The following TLN2 variants were observed in gnomAD, a reference collection of about 807,000 sequenced individuals.
The protein encoded by TLN2 is talin 2.
Under a neutral mutation model 294.7 loss-of-function variants are expected in TLN2, and 118 were observed. The observed-to-expected ratio is 0.40, with a 90% confidence interval of 0.34 to 0.47. TLN2 has a LOEUF of 0.47. Among genes scored for constraint, TLN2 ranks in the 20% least tolerant of loss-of-function variants. The pLI is 0.84. For synonymous variants in TLN2, 1,431 were observed against 1,304.5 expected (o/e 1.10, Z -2.09); for missense variants, 3,083 against 3,282.2 (o/e 0.94, Z 1.48).
intron 26 of TLN2, 126 bp downstream of exon 26, chr15:62,722,613 T>A: frequency 1.6e-6 from 2 of 1,214,968 alleles, no homozygotes; most frequent in Non-Finnish European, 2.2e-6. Context: ...CTTGCATGAC[T>A]ATTAAAGATG....
intron 3 of TLN2, among the ~76,000 whole-genome samples, chr15:62,634,383 T>G (rs2050191615): frequency 6.6e-6 from 1 of 152,228 alleles, no homozygotes; most frequent in Non-Finnish European, 1.5e-5. Flanking sequence ...TCCAGCTTTA[T>G]CTTAAGTTTT....
chr15:62,477,517 G>C (rs1177157092), intron 1 of TLN2, among the ~76,000 whole-genome samples: 1 of 152,148 alleles, frequency 6.6e-6, no homozygotes, highest in Non-Finnish European at 1.5e-5. Flanking sequence ...CTGCATCTAT[G>C]TGCTTGTCCT....
chr15:62,547,806 G>T (rs997766274), intron 1 of TLN2, among the ~76,000 whole-genome samples: 4 of 152,208 alleles, frequency 2.6e-5, no homozygotes, highest in Non-Finnish European at 5.9e-5. Flanking sequence ...GTTACTGCCA[G>T]TCTGGTTGTG....
intron 3 of TLN2, among the ~76,000 whole-genome samples, chr15:62,624,461 G>C (rs1406510483): frequency 6.6e-6 from 1 of 152,192 alleles, no homozygotes; most frequent in Non-Finnish European, 1.5e-5. Flanking sequence ...GGTCTCATAG[G>C]TGATAGGACG....
rs772210985 is a variant in TLN2 at position 62,673,882 on chromosome 15, A to T, written c.844A>T (p.Ile282Phe). Reference sequence around the variant, plus strand: ...CAAGCAGAGAGGAGCTGAAAAGAGGATCTTTCAGGTATTGGAAATGTACAG... The same window carrying T: ...CAAGCAGAGAGGAGCTGAAAAGAGGTTCTTTCAGGTATTGGAAATGTACAG... ...YIKQRGAEKR[I>F]FQEHKNCGEM... Residue 282 changes from isoleucine (I) to phenylalanine (F), a missense_variant, in exon 10 of 59, where the codon ATC becomes TTC. Transcript: ENST00000636159. 2.5e-6 allele frequency: 4 copies of T among 1,612,836 alleles called. No individual in the cohort carries two copies. Among genetic ancestry groups the T allele is most frequent in the Non-Finnish European group, 3.4e-6 (4 of 1,179,090 alleles).
chr15:62,530,063 C>T (rs920311130), intron 1 of TLN2, among the ~76,000 whole-genome samples: 43 of 152,194 alleles, frequency 2.8e-4, no homozygotes, highest in Middle Eastern at 3.4e-3. Context: ...TTGTGGCTTG[C>T]GCCTGTAGTC....
intron 35 of TLN2, among the ~76,000 whole-genome samples, chr15:62,753,387 T>G (rs573537896): frequency 6.6e-6 from 1 of 152,274 alleles, no homozygotes; most frequent in Admixed American, 6.5e-5. Context: ...ATGCACCCAC[T>G]GTTTTGTGCC....
intron 52 of TLN2, among the ~76,000 whole-genome samples, chr15:62,817,935 G>A (rs1435179400): frequency 2.0e-5 from 3 of 148,598 alleles, no homozygotes; most frequent in Non-Finnish European, 4.4e-5. Context: ...TCAACCTCCT[G>A]AATAGCTGGG....
chr15:62,581,595 CTT>C (rs1419939116), intron 1 of TLN2, among the ~76,000 whole-genome samples: 1 of 152,180 alleles, frequency 6.6e-6, no homozygotes, highest in African/African-American at 2.4e-5. Context: ...AGAGGGGAAT[CTT>C]TTTGTTTCAT....
chr15:62,442,993 C>G lies in TLN2; in HGVS notation c.-238+52308C>G, dbSNP rs145166181. Among the ~76,000 whole-genome samples the G allele has an allele frequency of 7.2e-5, 11 of 152,348 alleles. No homozygotes were observed. The East Asian group carries it at 1.7e-3, about 24-fold the overall frequency. On this transcript the variant is annotated intron_variant, in intron 1 of 58. Coordinates refer to ENST00000636159, the MANE Select transcript of TLN2 (RefSeq NM_015059.3). ...AAGCTCTCTCTCACCTGTCCTTCCACTGTCCCACCTCCTGTCTTCTGACTT... is the reference window on the plus strand; with the variant it reads ...AAGCTCTCTCTCACCTGTCCTTCCAGTGTCCCACCTCCTGTCTTCTGACTT...
At chr15:62,430,064 T>C (rs1434075780) in intron 1 of TLN2, among the ~76,000 whole-genome samples, 2 of 152,256 alleles carry the variant, frequency 1.3e-5, no homozygotes, top group Non-Finnish European at 2.9e-5. Context: ...AGTTCTCCTT[T>C]GAGTCCCCTG....
rs138955671 is a variant in TLN2, at chr15:62,569,546, C to T, written c.-237-20141C>T. Among the ~76,000 whole-genome samples, 264 of 152,338 alleles carry T rather than the reference C, an allele frequency of 1.7e-3. 3 individuals are homozygous for T. The highest frequency in any genetic ancestry group is 6.2e-3 in the African/African-American group (257 of 41,582). The stretch of plus-strand genomic sequence containing the variant: ...GTCTTCTCAGGCACACTCTGCTACC[C>T]AGACTTTCTGGAAGCATGGCACTTT... On this transcript the variant is annotated intron_variant, in intron 1 of 58. Transcript: ENST00000636159.
Position 62,536,607 on chromosome 15 carries a change from G to A in TLN2, c.-237-53080G>A, listed in dbSNP as rs187338604. On this transcript the variant is annotated intron_variant, in intron 1 of 58. Transcript: ENST00000636159. ...GTCCTCCCTAGGGTGTCTGAACAGC[G>A]CTGTAATAGTGTAGATGGTAGATGT... is the stretch of plus-strand genomic sequence containing the variant. 1.6e-3 allele frequency among the ~76,000 whole-genome samples: 247 copies of A among 152,256 alleles called. 1 individual carries two copies. Among genetic ancestry groups the A allele is most frequent in the African/African-American group, 5.8e-3 (241 of 41,544 alleles).
intron 35 of TLN2, among the ~76,000 whole-genome samples, chr15:62,752,775 C>T (rs1003298182): frequency 3.3e-5 from 5 of 151,998 alleles, no homozygotes; most frequent in African/African-American, 9.7e-5. Context: ...TTTAGAAATG[C>T]GAAACTGTTA....
chr15:62,461,163 T>C (rs2036781370), intron 1 of TLN2, among the ~76,000 whole-genome samples: 1 of 152,138 alleles, frequency 6.6e-6, no homozygotes, highest in Non-Finnish European at 1.5e-5. Flanking sequence ...TTGGCCAGGC[T>C]GGTCTCGAAC....
At chr15:62,686,430 G>T (rs2057294825) in intron 11 of TLN2, among the ~76,000 whole-genome samples, 1 of 151,870 alleles carries the variant, frequency 6.6e-6, no homozygotes, top group Admixed American at 6.6e-5. Flanking sequence ...TGATTTTGTG[G>T]CTCTTTCCAG....
chr15:62,787,499 G>T (rs2141101326), intron 45 of TLN2, among the ~76,000 whole-genome samples: 1 of 152,192 alleles, frequency 6.6e-6, no homozygotes, highest in South Asian at 2.1e-4. Context: ...GACAAAAAAA[G>T]AATTGAGGGT....
rs778366411 is a variant in TLN2 at position 62,844,092 on chromosome 15, C to G, written c.*3482C>G. On this transcript the variant is annotated 3_prime_UTR_variant, in exon 59 of 59. Coordinates refer to ENST00000636159, the MANE Select transcript of TLN2 (RefSeq NM_015059.3). ...ACATTCCCCTCAGGCTAAAAGGCAG[C>G]GGTCCCCAGAGTTCAGAAAGCAAAA... 1 of 152,276 alleles carries G rather than the reference C, an allele frequency of 6.6e-6. No homozygotes were observed. Among genetic ancestry groups the G allele is most frequent in the Non-Finnish European group, 1.5e-5 (1 of 68,114 alleles). 9.4% of individuals were successfully genotyped at this position (152,276 alleles called of 1,614,324 possible). A position where few individuals can be genotyped will look rare whatever the true frequency, so the allele number is the denominator to read the frequency against.
intron 1 of TLN2, among the ~76,000 whole-genome samples, chr15:62,419,157 AG>A (rs2140268401): frequency 6.6e-6 from 1 of 152,394 alleles, no homozygotes; most frequent in South Asian, 2.1e-4. Flanking sequence ...AAACAAAAAA[AG>A]AATATAAACT....
Sources: allele counts gnomAD v4.1 joint callset (sites outside exome capture counted in the v4.1 genomes callset), GRCh38; gene constraint gnomAD v4.1.1; transcripts MANE v1.5; gene names NCBI Gene and HGNC (gene_info 2026-07-23, HGNC 2026-07-21).